The following CADM2 variants were observed in gnomAD, a reference collection of about 807,000 sequenced individuals.
CADM2 encodes cell adhesion molecule 2.
CADM2 carries 12 observed loss-of-function variants against 49.8 expected under a neutral mutation model. That is an observed-to-expected ratio of 0.24 (90% confidence interval 0.15 to 0.39). CADM2 has a LOEUF of 0.39. Ranked by LOEUF, CADM2 falls within the 10% of genes least tolerant of loss-of-function variation. The pLI, the probability that CADM2 is intolerant of heterozygous loss-of-function variation, is 1.00. For missense variants in CADM2, 378 were observed against 492.3 expected (o/e 0.77, Z 2.20); for synonymous variants, 214 against 175.4 (o/e 1.22, Z -1.74).
intron 1 of CADM2, among the ~76,000 whole-genome samples, chr3:84,981,635 C>G (rs888383406): frequency 4.6e-5 from 7 of 151,922 alleles, no homozygotes; most frequent in Non-Finnish European, 8.8e-5. Flanking sequence ...CTTTCCTTTC[C>G]TCCTCTGCCT....
At chr3:85,592,563 C>A (rs976394663) in intron 1 of CADM2, among the ~76,000 whole-genome samples, 6 of 151,794 alleles carry the variant, frequency 4.0e-5, no homozygotes, top group Non-Finnish European at 8.8e-5. Context: ...GGTTTTGGGT[C>A]AACAATACCT....
intron 2 of CADM2, among the ~76,000 whole-genome samples, chr3:85,768,470 T>TAAATAAATAAATA (rs11456585): frequency 3.5e-5 from 5 of 143,798 alleles, no homozygotes; most frequent in African/African-American, 1.0e-4. Flanking sequence ...AATAAATAAA[T>TAAATAAATAAATA]AATAAATAAA....
intron 2 of CADM2, among the ~76,000 whole-genome samples, chr3:85,764,038 A>G (rs1439799432): frequency 6.6e-6 from 1 of 152,186 alleles, no homozygotes; most frequent in Non-Finnish European, 1.5e-5. Context: ...GGGAAATGGG[A>G]AAAAGAAATA....
chr3:85,553,314 T>C (rs990407626), intron 1 of CADM2, among the ~76,000 whole-genome samples: 1 of 151,932 alleles, frequency 6.6e-6, no homozygotes, highest in Non-Finnish European at 1.5e-5. Context: ...TTTCTTTTTT[T>C]TAAACAAAGA....
chr3:86,059,457 A>G (rs1738364471), intron 8 of CADM2, among the ~76,000 whole-genome samples: 1 of 152,186 alleles, frequency 6.6e-6, no homozygotes, highest in South Asian at 2.1e-4. Context: ...TTAAGTTCAG[A>G]AAGCTTTATG....
chr3:85,931,419 G>A lies in CADM2; in HGVS notation c.701-4348G>A, dbSNP rs181538620. Among the ~76,000 whole-genome samples the A allele has an allele frequency of 1.7e-4, 26 of 151,966 alleles. 1 individual carries two copies. Among genetic ancestry groups the A allele is most frequent in the Middle Eastern group, 6.8e-3 (2 of 294 alleles). The stretch of plus-strand genomic sequence containing the variant: ...GATCACACCCCTGCAATCCAGCCTC[G>A]GGGACAGAGTGAGACCTTGTCTGAA... On this transcript the variant is annotated intron_variant, in intron 6 of 9. Transcript: ENST00000383699.
At chr3:85,033,064 AC>A (rs1451645493) in intron 1 of CADM2, among the ~76,000 whole-genome samples, 1 of 152,148 alleles carries the variant, frequency 6.6e-6, no homozygotes, top group Non-Finnish European at 1.5e-5. Context: ...AGATAAAAAA[AC>A]ATAGCTGATG....
chr3:85,394,039 C>A (rs1361822063), intron 1 of CADM2, among the ~76,000 whole-genome samples: 1 of 152,108 alleles, frequency 6.6e-6, no homozygotes, highest in Non-Finnish European at 1.5e-5. Context: ...TCGTGATCCA[C>A]CCGCCTCGGC....
At chr3:85,215,979 A>G (rs2041916162) in intron 1 of CADM2, among the ~76,000 whole-genome samples, 1 of 152,098 alleles carries the variant, frequency 6.6e-6, no homozygotes, top group African/African-American at 2.4e-5. Context: ...ATGTGATTCA[A>G]GACTGTGTTT....
intron 1 of CADM2, among the ~76,000 whole-genome samples, chr3:85,540,682 C>A (rs1387260175): frequency 6.6e-6 from 1 of 152,126 alleles, no homozygotes; most frequent in Non-Finnish European, 1.5e-5. Flanking sequence ...CAAGCATTTG[C>A]AAAAGGCATT....
rs955660327 is a variant in CADM2 at position 85,604,573 on chromosome 3, C to CA, written c.62-121943dup. Reference sequence around the variant, plus strand: ...CAACAATGAACTAGGTGCCACTGAACAAAAAATCTCAGATGAATGGCTGAT... The same window carrying CA: ...CAACAATGAACTAGGTGCCACTGAACAAAAAAATCTCAGATGAATGGCTGAT... On this transcript the variant is annotated intron_variant, in intron 1 of 9. Coordinates refer to ENST00000383699, the MANE Select transcript of CADM2 (RefSeq NM_001167675.2). Among the ~76,000 whole-genome samples the CA allele has an allele frequency of 1.8e-4, 27 of 151,822 alleles. 1 individual carries two copies. Among genetic ancestry groups the CA allele is most frequent in the African/African-American group, 5.6e-4 (23 of 41,384 alleles).
At chr3:86,053,770 A>C (rs578244072) in intron 8 of CADM2, among the ~76,000 whole-genome samples, 1 of 152,230 alleles carries the variant, frequency 6.6e-6, no homozygotes, top group East Asian at 1.9e-4. Context: ...TGTTATGAAA[A>C]TAGTAACTAT....
chr3:85,757,267 G>A (rs767900113), intron 2 of CADM2, among the ~76,000 whole-genome samples: 4 of 152,156 alleles, frequency 2.6e-5, no homozygotes, highest in South Asian at 2.1e-4. Context: ...TTGAAGACGC[G>A]TATTTGTTCA....
chr3:85,635,177 T>TA (rs1202432963), intron 1 of CADM2, among the ~76,000 whole-genome samples: 1 of 152,088 alleles, frequency 6.6e-6, no homozygotes, highest in African/African-American at 2.4e-5. Flanking sequence ...CTTCTTGTTT[T>TA]AAAAAATACA....
chr3:85,240,906 C>T (rs1187347083), intron 1 of CADM2, among the ~76,000 whole-genome samples: 2 of 151,354 alleles, frequency 1.3e-5, no homozygotes, highest in African/African-American at 4.8e-5. Context: ...TATTTTGATA[C>T]AGGCATACAA....
At chr3:85,144,862 C>A (rs2039690651) in intron 1 of CADM2, among the ~76,000 whole-genome samples, 1 of 152,100 alleles carries the variant, frequency 6.6e-6, no homozygotes, top group South Asian at 2.1e-4. Flanking sequence ...TTTTGAAAGA[C>A]ATAAATACAT....
chr3:85,117,248 A>G (rs978506860), intron 1 of CADM2, among the ~76,000 whole-genome samples: 3 of 91,660 alleles, frequency 3.3e-5, no homozygotes, highest in African/African-American at 1.4e-4. Flanking sequence ...AGAAAATTTT[A>G]TGATTTTTTT....
intron 1 of CADM2, among the ~76,000 whole-genome samples, chr3:85,093,234 T>G (rs1242513704): frequency 1.3e-5 from 2 of 152,180 alleles, no homozygotes; most frequent in Admixed American, 6.5e-5. Flanking sequence ...ATAAGATATA[T>G]CCTTGGCCAA....
intron 1 of CADM2, among the ~76,000 whole-genome samples, chr3:85,323,817 G>T (rs1027233656): frequency 2.0e-5 from 3 of 152,052 alleles, no homozygotes; most frequent in Non-Finnish European, 4.4e-5. Context: ...TCTATACTTT[G>T]GTATCTAGAA....
Sources: gnomAD v4.1 joint callset for allele counts (sites outside exome capture counted in the v4.1 genomes callset) on GRCh38, gnomAD v4.1.1 for gene constraint, MANE v1.5 for transcripts, NCBI Gene and HGNC (gene_info 2026-07-23, HGNC 2026-07-21) for gene names.